The following SUSD4 variants were observed in gnomAD, a reference collection of about 807,000 sequenced individuals.
SUSD4 encodes sushi domain-containing protein 4.
A neutral mutation model predicts 50.5 loss-of-function variants in SUSD4; 41 were observed. The observed-to-expected ratio is 0.81, with a 90% CI of 0.63 to 1.05. The LOEUF is 1.05. SUSD4 is among the 50% of genes least tolerant of loss of function. The pLI, the probability that SUSD4 is intolerant of heterozygous loss-of-function variation, is 0.00. For missense variants in SUSD4, 580 were observed against 634.7 expected, an observed-to-expected ratio of 0.91 and a Z score of 0.93; for synonymous variants, 257 against 257.3, an observed-to-expected ratio of 1.00 and a Z score of 0.01.
At chr1:223,347,361 C>T (rs1252672601) in intron 2 of SUSD4, among the ~76,000 whole-genome samples, 2 of 152,184 alleles carry the variant, frequency 1.3e-5, no homozygotes, top group African/African-American at 2.4e-5. Flanking sequence ...TCCTACCCTA[C>T]CCCGCCTCCC....
At position 223,268,593 on chromosome 1, in the gene SUSD4, A is replaced by G; in HGVS notation, c.444T>C (p.His148=). 1 of 1,614,172 alleles carries G rather than the reference A, an allele frequency of 6.2e-7. No individual in the cohort carries two copies. The highest frequency in any genetic ancestry group is 8.5e-7 in the Non-Finnish European group (1 of 1,180,026). Residue 148 remains histidine, a synonymous_variant, in exon 4 of 9, where the codon CAT becomes CAC. Coordinates refer to ENST00000366878, the MANE Select transcript of SUSD4 (RefSeq NM_017982.4). ...CGGGGTACCGGATCTTGAATCCTTC[A>G]TGACAAGTGATGATTAGCTTCTCTC... ...RHGEKLIITC[H]EGFKIRYPDL... is the part of the protein sequence containing the mutation.
chr1:223,285,981 C>A (rs1449096272), intron 3 of SUSD4, among the ~76,000 whole-genome samples: 1 of 152,080 alleles, frequency 6.6e-6, no homozygotes, highest in Non-Finnish European at 1.5e-5. Context: ...TATCCTTGAA[C>A]CTAAAATAAA....
intron 5 of SUSD4, among the ~76,000 whole-genome samples, chr1:223,258,148 C>T (rs1295023731): frequency 4.6e-5 from 7 of 152,176 alleles, no homozygotes; most frequent in Non-Finnish European, 8.8e-5. Context: ...TGAGTGAAGG[C>T]AGGATTCCTG....
intron 5 of SUSD4, chr1:223,263,645 GGCTCCA>G (rs1251704627): frequency 2.0e-6 from 2 of 985,132 alleles, no homozygotes; most frequent in Non-Finnish European, 1.2e-6. Flanking sequence ...GAGATTCCAT[GGCTCCA>G]GCCAACCCCA....
At chr1:223,305,045 T>A (rs1288279158) in intron 2 of SUSD4, among the ~76,000 whole-genome samples, 1 of 151,592 alleles carries the variant, frequency 6.6e-6, no homozygotes, top group Admixed American at 6.6e-5. Flanking sequence ...TTAGGAGCAA[T>A]AACAAATATT....
intron 2 of SUSD4, among the ~76,000 whole-genome samples, chr1:223,340,051 A>G (rs1667669798): frequency 6.6e-6 from 1 of 152,236 alleles, no homozygotes; most frequent in African/African-American, 2.4e-5. Context: ...ATTGTGGGGA[A>G]TCAAGCCCTG....
Position 223,221,955 on chromosome 1 carries a change from T to G in SUSD4, c.*237A>C. 2.0e-6 allele frequency: 1 copy of G among 491,708 alleles called. No individual in the cohort carries two copies. The highest frequency in any genetic ancestry group is 3.8e-5 in the South Asian group (1 of 26,656). The allele number at this position is 491,708 out of a possible 1,614,324, so 30.5% of individuals were successfully genotyped here. A position where few individuals can be genotyped will look rare whatever the true frequency, so the allele number is the denominator to read the frequency against. ...CCCTCATCCAAGACCACGCGAGGGCTTCCCTGCTGCCCCGGTTCCCCATGG... is the reference window on the plus strand; with the variant it reads ...CCCTCATCCAAGACCACGCGAGGGCGTCCCTGCTGCCCCGGTTCCCCATGG... On this transcript the variant is annotated 3_prime_UTR_variant, in exon 9 of 9. Coordinates refer to ENST00000366878, the MANE Select transcript of SUSD4 (RefSeq NM_017982.4).
At position 223,292,669 on chromosome 1, in the gene SUSD4, G is replaced by A; in HGVS notation, c.149-18C>T. 5.0e-6 allele frequency: 8 copies of A among 1,611,776 alleles called. No homozygotes were observed. The highest frequency in any genetic ancestry group is 5.9e-6 in the Non-Finnish European group (7 of 1,178,886). On this transcript the variant is annotated intron_variant, in intron 2 of 8. Coordinates refer to ENST00000366878, the MANE Select transcript of SUSD4 (RefSeq NM_017982.4). ...ATCGAACCCTACATCAACAAAGAGA[G>A]GAAAAGGTGCCTATGAATATGTTCT...
In SUSD4 at chr1:223,332,340, C is replaced by T. The variant is rs1021256911; in HGVS notation, c.148+30938G>A. Among the ~76,000 whole-genome samples the T allele has an allele frequency of 2.6e-5, 4 of 152,118 alleles. No homozygotes were observed. Among genetic ancestry groups the T allele is most frequent in the Admixed American group, 2.0e-4 (3 of 15,278 alleles). Reference sequence around the variant, plus strand: ...AACATCATAGTGTATGTATAAATGGCATATCTATATTCAGACACGGTACCT... The same window carrying T: ...AACATCATAGTGTATGTATAAATGGTATATCTATATTCAGACACGGTACCT... On this transcript the variant is annotated intron_variant, in intron 2 of 8. Transcript: ENST00000366878. This position sits in a 1 kb window ranked among gnomAD's most constrained non-coding sequence, Gnocchi z 4.0.
intron 5 of SUSD4, among the ~76,000 whole-genome samples, chr1:223,246,363 G>A (rs1660926696): frequency 6.6e-6 from 1 of 152,164 alleles, no homozygotes; most frequent in Non-Finnish European, 1.5e-5. Context: ...AAGCCATTCT[G>A]CAGTGAGTTG....
chr1:223,297,119 A>T (rs951246464), intron 2 of SUSD4, among the ~76,000 whole-genome samples: 1 of 152,222 alleles, frequency 6.6e-6, no homozygotes, highest in Non-Finnish European at 1.5e-5. Context: ...AAGATCTGAA[A>T]GCATCCACTA....
At chr1:223,271,369 A>G (rs1194250453) in intron 3 of SUSD4, among the ~76,000 whole-genome samples, 1 of 152,184 alleles carries the variant, frequency 6.6e-6, no homozygotes, top group African/African-American at 2.4e-5. Flanking sequence ...TTCTAGTTAG[A>G]GCTAAAGTTT....
intron 3 of SUSD4, among the ~76,000 whole-genome samples, chr1:223,285,732 A>G (rs1664091857): frequency 6.6e-6 from 1 of 152,206 alleles, no homozygotes; most frequent in Non-Finnish European, 1.5e-5. Flanking sequence ...AAGCAAACTA[A>G]CACAGGAACA....
intron 2 of SUSD4, among the ~76,000 whole-genome samples, chr1:223,299,434 T>G (rs996138266): frequency 6.6e-6 from 1 of 152,186 alleles, no homozygotes; most frequent in African/African-American, 2.4e-5. Context: ...TGTTTGTTTT[T>G]GGGGGGAGTG....
chr1:223,298,179 GATGA>G (rs1664958055), intron 2 of SUSD4, among the ~76,000 whole-genome samples: 1 of 152,030 alleles, frequency 6.6e-6, no homozygotes, highest in East Asian at 1.9e-4. Flanking sequence ...TAAACAGATA[GATGA>G]ATGGATGGAT....
intron 5 of SUSD4, among the ~76,000 whole-genome samples, chr1:223,259,154 A>C (rs1661917658): frequency 2.0e-5 from 3 of 152,208 alleles, no homozygotes. Flanking sequence ...CTTGCAAAAT[A>C]CTCAGCATAT....
In SUSD4 at chr1:223,229,350, C is replaced by T. The variant is rs377586871; in HGVS notation, c.763G>A (p.Val255Ile). 2.2e-5 allele frequency: 36 copies of T among 1,605,108 alleles called. No individual in the cohort carries two copies. Among genetic ancestry groups the T allele is most frequent in the South Asian group, 1.9e-4 (17 of 90,830 alleles). ...CGCTCACAAGGCCGCGGGTGGCAGA[C>T]GAAATCTCCGTGACTCACCATTGGA... is the stretch of plus-strand genomic sequence containing the variant. ...LPPMVSHGDF[V>I]CHPRPCERYN... The change falls in exon 6 of 9, where the codon GTC (valine) becomes ATC (isoleucine). Residue 255 changes from valine to isoleucine, a missense_variant. By Grantham distance (29) the Val-to-Ile change is conservative. Coordinates refer to ENST00000366878, the MANE Select transcript of SUSD4 (RefSeq NM_017982.4). This position sits in a 1 kb window ranked among gnomAD's most constrained non-coding sequence, Gnocchi z 4.7.
At chr1:223,236,266 C>A (rs1660213846) in intron 5 of SUSD4, among the ~76,000 whole-genome samples, 1 of 152,102 alleles carries the variant, frequency 6.6e-6, no homozygotes, top group Admixed American at 6.6e-5. Flanking sequence ...ATCAGATGTG[C>A]CTTTTGCAAA....
chr1:223,264,885 A>C, intron 4 of SUSD4, 67 bp from the exon 5 acceptor site: 5 of 1,507,174 alleles, frequency 3.3e-6, no homozygotes, highest in Non-Finnish European at 4.5e-6. Context: ...AAAGTCACAC[A>C]GAACACTGGA....
Sources: gnomAD v4.1 joint callset for allele counts (sites outside exome capture counted in the v4.1 genomes callset) on GRCh38, gnomAD v4.1.1 for gene constraint, Gnocchi (gnomAD v3.1) non-coding constraint, MANE v1.5 for transcripts, NCBI Gene and HGNC (gene_info 2026-07-23, HGNC 2026-07-21) for gene names.